BMAL1: variants seen among roughly 807,000 people sequenced by gnomAD.
BMAL1 encodes the protein basic helix-loop-helix ARNT-like protein 1.
At chr11:13,375,315 TG>T in the BMAL1 span, among the ~76,000 whole-genome samples, 4 of 152,270 alleles carry the variant, frequency 2.6e-5, no homozygotes, top group African/African-American at 9.6e-5. Context: ...TCTCATTTGC[TG>T]GTGGTCATGT....
the BMAL1 span, chr11:13,379,306 T>C: frequency 6.6e-6 from 1 of 152,326 alleles, no homozygotes; most frequent in South Asian, 2.1e-4. Context: ...CGAAACTTAA[T>C]GTAACATAAG....
At chr11:13,302,795 TC>T in the BMAL1 span, among the ~76,000 whole-genome samples, 2 of 152,192 alleles carry the variant, frequency 1.3e-5, no homozygotes, top group Non-Finnish European at 2.9e-5. Context: ...CTTGGCAGGT[TC>T]CTCTGATTGT....
chr11:13,328,359 C>G, the BMAL1 span, among the ~76,000 whole-genome samples: 1 of 151,698 alleles, frequency 6.6e-6, no homozygotes, highest in African/African-American at 2.4e-5. Context: ...TTTTTCCTTC[C>G]AAGTTTTAAG....
At chr11:13,339,940 G>C in the BMAL1 span, among the ~76,000 whole-genome samples, 1 of 152,198 alleles carries the variant, frequency 6.6e-6, no homozygotes, top group African/African-American at 2.4e-5. Flanking sequence ...AACAGTGCCT[G>C]GCACTTGGAT....
chr11:13,308,249 G>T, the BMAL1 span, among the ~76,000 whole-genome samples: 2 of 152,188 alleles, frequency 1.3e-5, no homozygotes, highest in African/African-American at 2.4e-5. Context: ...GGAGGAGCAC[G>T]TCAGGGGTCT....
the BMAL1 span, among the ~76,000 whole-genome samples, chr11:13,301,974 C>G: frequency 6.6e-6 from 1 of 152,174 alleles, no homozygotes; most frequent in Non-Finnish European, 1.5e-5. Context: ...TGTCCTGTCT[C>G]TGATTTGGGG....
chr11:13,369,870 A>C, the BMAL1 span: 1 of 1,452,122 alleles, frequency 6.9e-7, no homozygotes, highest in Non-Finnish European at 9.3e-7. Flanking sequence ...GGCTGGCCAG[A>C]GTGGCAGGTC....
the BMAL1 span, chr11:13,354,200 G>GCCCCCCCCCCCCA: frequency 2.7e-6 from 1 of 364,714 alleles, no homozygotes; most frequent in Non-Finnish European, 5.3e-6. Flanking sequence ...TCCCCCCCCG[G>GCCCCCCCCCCCCA]CCCCCCACCA....
chr11:13,381,096 C>A, the BMAL1 span: 1 of 1,519,882 alleles, frequency 6.6e-7, no homozygotes, highest in African/African-American at 1.4e-5. Flanking sequence ...TCACCTTTAC[C>A]CCTTAACAAA....
the BMAL1 span, among the ~76,000 whole-genome samples, chr11:13,285,623 A>G: frequency 6.6e-6 from 1 of 152,156 alleles, no homozygotes; most frequent in Non-Finnish European, 1.5e-5. Flanking sequence ...TGGGGTTGAA[A>G]GGTGCTTGAT....
the BMAL1 span, among the ~76,000 whole-genome samples, chr11:13,312,172 A>G: frequency 3.3e-3 from 496 of 152,326 alleles, 3 homozygotes; most frequent in African/African-American, 0.011. Flanking sequence ...GCTAAGTGCT[A>G]TTGTGTATCA....
chr11:13,385,906 G>A, the BMAL1 span: 9 of 805,600 alleles, frequency 1.1e-5, no homozygotes, highest in South Asian at 1.1e-4. Flanking sequence ...AATTTGATAG[G>A]AACAGAATAA....
At chr11:13,336,612 C>T in the BMAL1 span, among the ~76,000 whole-genome samples, 7 of 152,334 alleles carry the variant, frequency 4.6e-5, no homozygotes, top group South Asian at 1.2e-3. Context: ...GAGGGTCTGA[C>T]ATCCAGGAGG....
At chr11:13,365,187 T>C in the BMAL1 span, among the ~76,000 whole-genome samples, 1 of 152,106 alleles carries the variant, frequency 6.6e-6, no homozygotes, top group Non-Finnish European at 1.5e-5. Context: ...TGGACCATGA[T>C]ACCTTCAAAA....
At chr11:13,379,463 G>C in the BMAL1 span, 3 of 152,202 alleles carry the variant, frequency 2.0e-5, no homozygotes, top group Non-Finnish European at 2.9e-5. Context: ...TGTGACTTCT[G>C]CATCAGGAAG....
At chr11:13,362,108 C>T in the BMAL1 span, among the ~76,000 whole-genome samples, 3 of 152,208 alleles carry the variant, frequency 2.0e-5, no homozygotes, top group South Asian at 2.1e-4. Flanking sequence ...TTGCCACACA[C>T]ACTTTCCAGA....
the BMAL1 span, among the ~76,000 whole-genome samples, chr11:13,313,192 G>C: frequency 6.6e-6 from 1 of 152,202 alleles, no homozygotes; most frequent in Non-Finnish European, 1.5e-5. Context: ...TCTGCTGAGC[G>C]TGCCTCTCCT....
chr11:13,292,981 T>A, the BMAL1 span, among the ~76,000 whole-genome samples: 2 of 152,076 alleles, frequency 1.3e-5, no homozygotes, highest in Non-Finnish European at 2.9e-5. Context: ...TCTAGCAAAA[T>A]CTCTGTTTTT....
chr11:13,329,741 G>A, the BMAL1 span, among the ~76,000 whole-genome samples: 9 of 152,278 alleles, frequency 5.9e-5, no homozygotes, highest in South Asian at 1.9e-3. Context: ...AGAGCAGTAA[G>A]CCCTACACCT....
Sources: allele counts gnomAD v4.1 joint callset (sites outside exome capture counted in the v4.1 genomes callset), GRCh38; gene constraint gnomAD v4.1.1; transcripts MANE v1.5; gene names NCBI Gene and HGNC (gene_info 2026-07-23, HGNC 2026-07-21).